CPLANE1: variants seen among roughly 807,000 people sequenced by gnomAD.
The protein encoded by CPLANE1 is ciliogenesis and planar polarity effector complex subunit 1, also known as ciliogenesis and planar polarity effector 1.
In CPLANE1, 263 loss-of-function variants were observed where a neutral mutation model predicts 362.5. That is an observed-to-expected ratio of 0.73 (90% confidence interval 0.66 to 0.80). CPLANE1 has a LOEUF of 0.80. Ranked by LOEUF, CPLANE1 falls within the 30% of genes least tolerant of loss-of-function variation. The pLI is 0.00. For missense variants in CPLANE1, 3,461 were observed against 3,793.4 expected (o/e 0.91, Z 2.30); for synonymous variants, 1,212 against 1,302.6 (o/e 0.93, Z 1.50).
At position 37,132,337 on chromosome 5, in the gene CPLANE1, G is replaced by GTTT. The variant is rs70976278; in HGVS notation, c.8792+6380_8792+6382dup. ...GTTCTTTGCTTATTCGATTGTTCAA[G>GTTT]TTTTTTTTTTTTTTTTTTTTTTTTT... is the stretch of plus-strand genomic sequence containing the variant. On this transcript the variant is annotated intron_variant, in intron 46 of 52. Coordinates refer to ENST00000651892, the MANE Select transcript of CPLANE1 (RefSeq NM_001384732.1). Among the ~76,000 whole-genome samples the GTTT allele has an allele frequency of 5.5e-3, 424 of 77,716 alleles. 20 individuals carry two copies. Among genetic ancestry groups the GTTT allele is most frequent in the African/African-American group, 0.012 (237 of 20,224 alleles). 51.0% of individuals were successfully genotyped at this position (77,716 alleles called of 152,430 possible). A position where few individuals can be genotyped will look rare whatever the true frequency, so the allele number is the denominator to read the frequency against.
Position 37,206,426 on chromosome 5 carries a change from C to G in CPLANE1, c.2921-1G>C. ...AGAGGAATAAGTCGAAAGGACTGCT[C>G]TGTGAGTAAATTTTTAAAAATGGAT... On this transcript the variant is annotated splice_acceptor_variant, in intron 16 of 52. Transcript: ENST00000651892. LOFTEE classifies it high-confidence loss of function. The G allele has an allele frequency of 6.5e-7, 1 of 1,540,704 alleles. No individual in the cohort carries two copies.
chr5:37,206,945 G>A (rs1790924695), intron 16 of CPLANE1, among the ~76,000 whole-genome samples: 2 of 151,842 alleles, frequency 1.3e-5, no homozygotes, highest in Non-Finnish European at 2.9e-5. Flanking sequence ...ACAGTGTTAT[G>A]CAATAAAAGA....
chr5:37,147,971 C>CAAAAAAAAAAAAAAAAAAAAAAA (rs11284644), intron 43 of CPLANE1, among the ~76,000 whole-genome samples: 8 of 15,312 alleles, frequency 5.2e-4, no homozygotes, highest in Non-Finnish European at 1.1e-3. Flanking sequence ...ACTGCCTTCT[C>CAAAAAAAAAAAAAAAAAAAAAAA]AAAAAAAAAA....
At chr5:37,120,128 T>C (rs1762221315) in intron 50 of CPLANE1, 88 bp downstream of exon 50, 1 of 1,319,348 alleles carries the variant, frequency 7.6e-7, no homozygotes, top group African/African-American at 1.5e-5. Context: ...TACTAAGACT[T>C]ATACCTTTTA....
At position 37,162,455 on chromosome 5, in the gene CPLANE1, C is replaced by T. The variant is rs1043144779; in HGVS notation, c.7690+10G>A. The T allele has an allele frequency of 5.8e-6, 9 of 1,542,612 alleles. No individual in the cohort carries two copies. The highest frequency in any genetic ancestry group is 7.1e-6 in the Non-Finnish European group (8 of 1,124,284). ...ATATGAATTTTTTTAAAAAGTAAAA[C>T]AGCATTTACCTGGGTCTGTATTTGT... On this transcript the variant is annotated intron_variant, in intron 38 of 52. Transcript: ENST00000651892.
intron 32 of CPLANE1, among the ~76,000 whole-genome samples, chr5:37,172,370 T>A (rs1780042664): frequency 6.6e-6 from 1 of 152,160 alleles, no homozygotes; most frequent in African/African-American, 2.4e-5. Flanking sequence ...CAAGAGGGCA[T>A]AGTAAAACAC....
chr5:37,123,928 CAT>C (rs927381418), intron 47 of CPLANE1, among the ~76,000 whole-genome samples: 2 of 123,256 alleles, frequency 1.6e-5, no homozygotes, highest in African/African-American at 3.5e-5. Flanking sequence ...GCTAGGGGAA[CAT>C]ACACACACAC....
intron 15 of CPLANE1, among the ~76,000 whole-genome samples, chr5:37,215,785 T>C (rs2150285824): frequency 6.7e-6 from 1 of 148,508 alleles, no homozygotes; most frequent in Non-Finnish European, 1.5e-5. Flanking sequence ...GGGCAGGGCT[T>C]ACTACAAAAA....
chr5:37,220,148 A>C (rs1234481430), intron 15 of CPLANE1, among the ~76,000 whole-genome samples: 2 of 151,942 alleles, frequency 1.3e-5, no homozygotes, highest in East Asian at 1.9e-4. Context: ...GCTACTCACG[A>C]GGCTGAGGTG....
Position 37,184,919 on chromosome 5 carries a change from T to C in CPLANE1, c.4350A>G (p.Arg1450=). The C allele has an allele frequency of 6.2e-7, 1 of 1,614,164 alleles. No homozygotes were observed. The highest frequency in any genetic ancestry group is 8.5e-7 in the Non-Finnish European group (1 of 1,179,994). ...EKPDEAPGVD[R]YSLGTSLSRS... is the part of the protein sequence containing the mutation. Reference sequence around the variant, plus strand: ...TGCTCAAACTAGTCCCCAGGGAATATCTGTCAACACCTGGAGCCTCATCTG... The same window carrying C: ...TGCTCAAACTAGTCCCCAGGGAATACCTGTCAACACCTGGAGCCTCATCTG... Residue 1450 remains arginine (R), a synonymous_variant, in exon 25 of 53, where the codon AGA becomes AGG. Coordinates refer to ENST00000651892, the MANE Select transcript of CPLANE1 (RefSeq NM_001384732.1).
chr5:37,163,672 CTG>C (rs1031979673), intron 37 of CPLANE1, among the ~76,000 whole-genome samples: 4 of 152,146 alleles, frequency 2.6e-5, no homozygotes, highest in Non-Finnish European at 5.9e-5. Flanking sequence ...ATAGGAGTGT[CTG>C]TTATTTCTAA....
At chr5:37,105,481 T>C (rs1757523825), downstream of CPLANE1, among the ~76,000 whole-genome samples, 4 of 152,314 alleles carry the variant, frequency 2.6e-5, no homozygotes, top group East Asian at 7.7e-4. Flanking sequence ...TGCAGAAGAA[T>C]GAAACTACAC....
the CPLANE1 span, chr5:37,085,917 A>G: frequency 2.8e-6 from 2 of 718,948 alleles, no homozygotes; most frequent in Non-Finnish European, 4.7e-6. Flanking sequence ...AGGAATTAAT[A>G]GGAAAAAAAA....
intron 48 of CPLANE1, 140 bp from the exon 49 acceptor site, chr5:37,121,924 G>A (rs942348911): frequency 1.3e-4 from 83 of 663,064 alleles, no homozygotes; most frequent in Non-Finnish European, 1.9e-4. Context: ...TTGTCACCCA[G>A]GCTGGATTGC....
chr5:37,192,849 C>A (rs1391055288), intron 21 of CPLANE1, among the ~76,000 whole-genome samples: 20 of 130,246 alleles, frequency 1.5e-4, no homozygotes, highest in Non-Finnish European at 2.1e-4. Flanking sequence ...GAGCTAGACT[C>A]CATCAAAAAA....
chr5:37,121,752 A>G lies in CPLANE1; in HGVS notation c.9050T>C (p.Ile3017Thr). The G allele has an allele frequency of 6.2e-7, 1 of 1,614,082 alleles. No individual in the cohort carries two copies. Among genetic ancestry groups the G allele is most frequent in the Non-Finnish European group, 8.5e-7 (1 of 1,179,930 alleles). ...LLLSEHYSRR[I>T]SQAYGLMNEL... ...ATTCATCAGACCGTACGCTTGTGAG[A>G]TTCGACGACTATAGTGTTCAGAGAG... is the stretch of plus-strand genomic sequence containing the variant. Residue 3017 changes from isoleucine (I) to threonine (T), a missense_variant, in exon 49 of 53, where the codon ATC (isoleucine) becomes ACC (threonine). Physicochemically the swap from Ile to Thr is moderately conservative, Grantham distance 89. Coordinates refer to ENST00000651892, the MANE Select transcript of CPLANE1 (RefSeq NM_001384732.1).
chr5:37,095,387 T>G, the CPLANE1 span, among the ~76,000 whole-genome samples: 1 of 152,226 alleles, frequency 6.6e-6, no homozygotes, highest in African/African-American at 2.4e-5. Flanking sequence ...CCAGCATCAC[T>G]TTTTGATTAA....
intron 37 of CPLANE1, among the ~76,000 whole-genome samples, chr5:37,163,357 G>GA (rs1318034442): frequency 1.3e-5 from 2 of 152,134 alleles, no homozygotes; most frequent in African/African-American, 4.8e-5. Context: ...CACAAATGGA[G>GA]AAAGAGAACA....
chr5:37,166,422 C>T (rs1778262537), intron 35 of CPLANE1, among the ~76,000 whole-genome samples: 2 of 152,104 alleles, frequency 1.3e-5, no homozygotes, highest in Admixed American at 6.5e-5. Context: ...GTTTCACTTT[C>T]CAAGGTTTCA....
Sources: gnomAD v4.1 joint callset for allele counts (sites outside exome capture counted in the v4.1 genomes callset) on GRCh38, gnomAD v4.1.1 for gene constraint, MANE v1.5 for transcripts, NCBI Gene and HGNC (gene_info 2026-07-23, HGNC 2026-07-21) for gene names.